Variants in RSPO1 observed in about 807,000 individuals in gnomAD.
RSPO1 encodes R-spondin-1.
Under a neutral mutation model 26.0 loss-of-function variants are expected in RSPO1, and 18 were observed. The ratio of observed to expected loss-of-function variants is 0.69; its 90% confidence interval spans 0.48 to 1.03. The LOEUF is 1.03. Ranked by LOEUF, RSPO1 falls within the 50% of genes least tolerant of loss-of-function variation. RSPO1 has a pLI of 0.00. For synonymous variants in RSPO1, 133 were observed against 137.4 expected, an observed-to-expected ratio of 0.97 and a Z score of 0.22; for missense variants, 309 against 352.3, an observed-to-expected ratio of 0.88 and a Z score of 0.98.
intron 3 of RSPO1, among the ~76,000 whole-genome samples, chr1:37,627,580 G>T (rs140699466): frequency 0.01 from 1,535 of 152,154 alleles, 25 homozygotes; most frequent in African/African-American, 0.034. Flanking sequence ...AACCCGGGAG[G>T]CGGAGGTTGC....
intron 4 of RSPO1, among the ~76,000 whole-genome samples, chr1:37,614,826 G>T (rs960483617): frequency 4.6e-5 from 7 of 152,194 alleles, no homozygotes; most frequent in African/African-American, 1.4e-4. Flanking sequence ...CCAAACTGTG[G>T]TTCTCCTCCT....
chr1:37,619,840 C>T (rs1415297516), intron 3 of RSPO1, among the ~76,000 whole-genome samples: 2 of 151,924 alleles, frequency 1.3e-5, no homozygotes, highest in African/African-American at 2.4e-5. Context: ...CTCCGCCTCC[C>T]ATGTACAAGC....
chr1:37,630,652 G>C (rs1644346242), intron 2 of RSPO1, among the ~76,000 whole-genome samples: 1 of 152,196 alleles, frequency 6.6e-6, no homozygotes, highest in South Asian at 2.1e-4. Context: ...CTGGCCGGCT[G>C]GGGTGATGGG....
chr1:37,612,977 G>C (rs939402380), intron 6 of RSPO1, 56 bp from the exon 7 acceptor site: 1 of 1,593,778 alleles, frequency 6.3e-7, no homozygotes, highest in Non-Finnish European at 8.6e-7. Context: ...GAGGCCCTGG[G>C]CATGGCCACA....
At chr1:37,621,524 G>T (rs1370453944) in intron 3 of RSPO1, among the ~76,000 whole-genome samples, 2 of 152,094 alleles carry the variant, frequency 1.3e-5, no homozygotes, top group Non-Finnish European at 2.9e-5. Flanking sequence ...ACAAGAGGGG[G>T]TGAGGGGCAG....
At position 37,634,426 on chromosome 1, in the gene RSPO1, G is replaced by A. The variant is rs1375975508; in HGVS notation, c.-356+140C>T. 3 of 152,214 alleles carry A rather than the reference G, an allele frequency of 2.0e-5. No individual in the cohort carries two copies. Among genetic ancestry groups the A allele is most frequent in the Non-Finnish European group, 4.4e-5 (3 of 68,094 alleles). 9.4% of individuals were successfully genotyped at this position (152,214 alleles called of 1,614,324 possible). ...TGCCCTGTCCTGATCGCCGACCGGA[G>A]AGCGATCAGACTCCCCTTCCTTTCT... is the stretch of plus-strand genomic sequence containing the variant. On this transcript the variant is annotated intron_variant, in intron 1 of 6. Coordinates refer to ENST00000356545, the MANE Select transcript of RSPO1 (RefSeq NM_001242908.2). The surrounding 1 kb of genome is among the most constrained non-coding windows in gnomAD (Gnocchi z 4.7).
chr1:37,629,708 G>C lies in RSPO1; in HGVS notation c.-47C>G. 6.2e-7 allele frequency: 1 copy of C among 1,609,730 alleles called. No homozygotes were observed. Among genetic ancestry groups the C allele is most frequent in the Non-Finnish European group, 8.5e-7 (1 of 1,178,094 alleles). ...CCCTGGTCGGAGGGGTGGTCTCGGGGAGGGTGGATAGCACACGGCTCTTGC... is the reference window on the plus strand; with the variant it reads ...CCCTGGTCGGAGGGGTGGTCTCGGGCAGGGTGGATAGCACACGGCTCTTGC... On this transcript the variant is annotated 5_prime_UTR_variant, in exon 3 of 7. Coordinates refer to ENST00000356545, the MANE Select transcript of RSPO1 (RefSeq NM_001242908.2).
intron 1 of RSPO1, among the ~76,000 whole-genome samples, chr1:37,633,806 C>A (rs1644397010): frequency 6.6e-6 from 1 of 152,296 alleles, no homozygotes; most frequent in East Asian, 1.9e-4. Flanking sequence ...ATCACCCCCG[C>A]AAGCGCGCAC....
At chr1:37,617,323 CA>C (rs1287232618) in intron 3 of RSPO1, among the ~76,000 whole-genome samples, 1 of 152,016 alleles carries the variant, frequency 6.6e-6, no homozygotes, top group African/African-American at 2.4e-5. Context: ...TCATTTGGTC[CA>C]AAATGTTAAT....
At chr1:37,616,417 C>G in intron 4 of RSPO1, 67 bp downstream of exon 4, 1 of 1,506,524 alleles carries the variant, frequency 6.6e-7, no homozygotes, top group Non-Finnish European at 9.2e-7. Context: ...ACCAATGGTT[C>G]AAAGCACTCT....
chr1:37,617,428 G>A (rs1299135578), intron 3 of RSPO1, among the ~76,000 whole-genome samples: 3 of 152,098 alleles, frequency 2.0e-5, no homozygotes, highest in Admixed American at 1.3e-4. Context: ...GGAGGCCAAG[G>A]CGGGCAGAAC....
intron 3 of RSPO1, among the ~76,000 whole-genome samples, chr1:37,623,845 C>T (rs138950333): frequency 0.041 from 6,161 of 151,254 alleles, 175 homozygotes; most frequent in Non-Finnish European, 0.063. Flanking sequence ...CTGCAACCTC[C>T]GCCTCCTGGG....
rs1324844070 is a variant in RSPO1, at chr1:37,616,660, C to G, written c.110G>C (p.Ser37Thr). ...CTCACAGCCTTTGGCACAGGCCTGGCTCCCCTCGGCACTGACTGCAAAGGT... is the reference window on the plus strand; with the variant it reads ...CTCACAGCCTTTGGCACAGGCCTGGGTCCCCTCGGCACTGACTGCAAAGGT... ...KRQRRISAEG[S>T]QACAKGCELC... The change falls in exon 4 of 7, where the codon AGC (serine) becomes ACC (threonine). Residue 37 changes from serine (S) to threonine (T), a missense_variant. Ser to Thr is a moderately conservative substitution (Grantham distance 58). Transcript: ENST00000356545. The G allele has an allele frequency of 6.2e-7, 1 of 1,614,012 alleles. No individual in the cohort carries two copies. The highest frequency in any genetic ancestry group is 1.3e-5 in the African/African-American group (1 of 75,056).
chr1:37,616,401 C>CTTTGAA, intron 4 of RSPO1, 83 bp downstream of exon 4: 1 of 1,367,354 alleles, frequency 7.3e-7, no homozygotes, highest in Non-Finnish European at 1.0e-6. Context: ...GCTCCTCTTG[C>CTTTGAA]CAGCCACCAA....
At chr1:37,620,065 A>T (rs1156356084) in intron 3 of RSPO1, among the ~76,000 whole-genome samples, 1 of 152,112 alleles carries the variant, frequency 6.6e-6, no homozygotes. Context: ...GCACATTTTT[A>T]TAGATGAGGG....
chr1:37,631,167 C>T (rs1570128646), intron 2 of RSPO1, among the ~76,000 whole-genome samples: 1 of 152,200 alleles, frequency 6.6e-6, no homozygotes, highest in East Asian at 1.9e-4. Context: ...CAGAGCCCAC[C>T]TGCACGGGAG....
chr1:37,613,669 G>C lies in RSPO1; in HGVS notation c.625+35C>G. 1 of 1,577,932 alleles carries C rather than the reference G, an allele frequency of 6.3e-7. No homozygotes were observed. Among genetic ancestry groups the C allele is most frequent in the Non-Finnish European group, 8.7e-7 (1 of 1,152,948 alleles). The stretch of plus-strand genomic sequence containing the variant: ...AGGACCTGTCATGGCTGGTGCCTGA[G>C]CCCTGACCCCAGGGAGGCAGAGGCT... On this transcript the variant is annotated intron_variant, in intron 6 of 6. Coordinates refer to ENST00000356545, the MANE Select transcript of RSPO1 (RefSeq NM_001242908.2). The surrounding 1 kb of genome is among the most constrained non-coding windows in gnomAD (Gnocchi z 4.5).
intron 3 of RSPO1, among the ~76,000 whole-genome samples, chr1:37,620,012 G>T (rs921554349): frequency 6.6e-6 from 1 of 152,080 alleles, no homozygotes; most frequent in African/African-American, 2.4e-5. Flanking sequence ...GCCTCCCAAA[G>T]TGCTGAGATT....
chr1:37,616,812 G>T, intron 3 of RSPO1, 137 bp from the exon 4 acceptor site: 3 of 840,548 alleles, frequency 3.6e-6, no homozygotes, highest in South Asian at 1.4e-5. Context: ...CACCGGCCAG[G>T]CTGGCAGCTC....
Sources: allele counts gnomAD v4.1 joint callset (sites outside exome capture counted in the v4.1 genomes callset), GRCh38; gene constraint gnomAD v4.1.1; non-coding constraint Gnocchi (gnomAD v3.1); transcripts MANE v1.5; gene names NCBI Gene and HGNC (gene_info 2026-07-23, HGNC 2026-07-21).